The following MAGEA11 variants were observed in gnomAD, a reference collection of about 807,000 sequenced individuals.
MAGEA11 encodes the protein melanoma-associated antigen 11.
A neutral mutation model predicts 8.4 loss-of-function variants in MAGEA11; 1 was observed. The ratio of observed to expected loss-of-function variants is 0.12; its 90% confidence interval spans 0.04 to 0.57. The LOEUF is 0.57. Ranked by LOEUF, MAGEA11 falls within the 20% of genes least tolerant of loss-of-function variation. The pLI, the probability that MAGEA11 is intolerant of heterozygous loss-of-function variation, is 0.91. For synonymous variants in MAGEA11, 127 were observed against 119.3 expected (o/e 1.06, Z -0.42); for missense variants, 209 against 317.3 (o/e 0.66, Z 2.59).
chrX:149,703,341 C>G (rs1203670069), intron 1 of MAGEA11, among the ~76,000 whole-genome samples: 1 of 112,382 alleles, frequency 8.9e-6, no homozygotes, highest in Non-Finnish European at 1.9e-5. Flanking sequence ...AACCATTGAG[C>G]CATCCCAATG....
chrX:149,711,034 G>T (rs1191059270), upstream of MAGEA11, among the ~76,000 whole-genome samples: 1 of 111,285 alleles, frequency 9.0e-6, no homozygotes, highest in Non-Finnish European at 1.9e-5. Context: ...CTCGGGTAGG[G>T]TCTCAGACCA....
upstream of MAGEA11, among the ~76,000 whole-genome samples, chrX:149,708,419 CT>C (rs1461409951): frequency 1.3e-4 from 14 of 111,617 alleles, no homozygotes; most frequent in Non-Finnish European, 1.7e-4. Context: ...CACGTACCCC[CT>C]GAATCTAAAA....
At chrX:149,710,826 G>T (rs2090396791), upstream of MAGEA11, among the ~76,000 whole-genome samples, 1 of 108,715 alleles carries the variant, frequency 9.2e-6, no homozygotes, top group African/African-American at 3.4e-5. Flanking sequence ...GAAAACTAAA[G>T]AATAAAAATA....
upstream of MAGEA11, among the ~76,000 whole-genome samples, chrX:149,709,868 T>C (rs1165668995): frequency 8.9e-6 from 1 of 112,191 alleles, no homozygotes; most frequent in Non-Finnish European, 1.9e-5. Context: ...TACTTAATTG[T>C]AAAATGTTGG....
chrX:149,703,945 A>T (rs1223595043), intron 1 of MAGEA11, among the ~76,000 whole-genome samples: 1 of 112,167 alleles, frequency 8.9e-6, no homozygotes, highest in Non-Finnish European at 1.9e-5. Context: ...TACATAAAGG[A>T]TACTTGATGT....
intron 1 of MAGEA11, among the ~76,000 whole-genome samples, chrX:149,693,819 T>A (rs1266418345): frequency 8.9e-6 from 1 of 112,173 alleles, no homozygotes; most frequent in Non-Finnish European, 1.9e-5. Context: ...TCATACAACA[T>A]GTAGCTTTTT....
intron 4 of MAGEA11, 31 bp downstream of exon 4, chrX:149,715,708 T>C (rs782497262): frequency 1.7e-6 from 2 of 1,196,951 alleles, no homozygotes; most frequent in East Asian, 5.9e-5. Flanking sequence ...TTCTCCATGG[T>C]TCATATCTCA....
At chrX:149,697,417 C>T (rs1180313987) in intron 1 of MAGEA11, among the ~76,000 whole-genome samples, 22 of 111,251 alleles carry the variant, frequency 2.0e-4, no homozygotes, top group African/African-American at 6.9e-4. Context: ...TTGCTCTTCC[C>T]AGGCCAGCGG....
chrX:149,715,658 A>G lies in MAGEA11; in HGVS notation c.247A>G (p.Ile83Val), dbSNP rs140087127. The change falls in exon 4 of 5, where the codon ATC (isoleucine) becomes GTC (valine). Residue 83 changes from isoleucine to valine, a missense_variant. Transcript: ENST00000355220. Reference sequence around the variant, plus strand: ...CAGGAGTCCCAGGAGAACCCAGAGGATCACTGGAGGAGAACAAGTGTAAGT... The same window carrying G: ...CAGGAGTCCCAGGAGAACCCAGAGGGTCACTGGAGGAGAACAAGTGTAAGT... ...EDRSPRRTQR[I>V]TGGEQVLWGP... 7.5e-5 allele frequency: 90 copies of G among 1,205,402 alleles called. No individual in the cohort carries two copies. Among genetic ancestry groups the G allele is most frequent in the Admixed American group, 7.0e-4 (32 of 45,674 alleles).
chrX:149,711,722 T>C, upstream of MAGEA11: 1 of 494,974 alleles, frequency 2.0e-6, no homozygotes, highest in Non-Finnish European at 2.5e-6. Flanking sequence ...CTTGGCAATG[T>C]TGTCCCCCGA....
chrX:149,688,859 C>T, exon 1 of MAGEA11: 6 of 593,503 alleles, frequency 1.0e-5, no homozygotes, highest in Non-Finnish European at 1.5e-5. Flanking sequence ...GTCTTGACCC[C>T]CAGTGGAGGC....
intron 2 of MAGEA11, chrX:149,713,602 C>A: frequency 6.3e-6 from 1 of 158,993 alleles, no homozygotes; most frequent in Admixed American, 8.4e-5. Context: ...AGGAGTAAAT[C>A]TGAATACCTG....
chrX:149,695,757 G>A (rs2090328200), intron 1 of MAGEA11, among the ~76,000 whole-genome samples: 1 of 112,190 alleles, frequency 8.9e-6, no homozygotes, highest in Admixed American at 9.4e-5. Flanking sequence ...TTGACAAGGT[G>A]GTAGAGAAAT....
intron 3 of MAGEA11, among the ~76,000 whole-genome samples, chrX:149,715,381 G>A (rs782585350): frequency 8.9e-6 from 1 of 111,838 alleles, no homozygotes; most frequent in Admixed American, 9.4e-5. Flanking sequence ...TGAGCAGTGA[G>A]GCCTTGGTCT....
At chrX:149,688,915 G>A in exon 1 of MAGEA11, 1 of 995,640 alleles carries the variant, frequency 1.0e-6, no homozygotes, top group Non-Finnish European at 1.3e-6. Context: ...CATAGAGGTG[G>A]GTGCTATGCA....
At chrX:149,689,092 G>A in intron 1 of MAGEA11, 1 of 722,377 alleles carries the variant, frequency 1.4e-6, no homozygotes, top group Non-Finnish European at 2.0e-6. Context: ...TCCAGATGAT[G>A]TTCCCAGCTC....
intron 1 of MAGEA11, chrX:149,688,993 A>G: frequency 9.7e-7 from 1 of 1,027,034 alleles, no homozygotes; most frequent in South Asian, 1.8e-5. Flanking sequence ...AGGTAAGGGA[A>G]TGTGCATCTG....
intron 1 of MAGEA11, among the ~76,000 whole-genome samples, chrX:149,701,641 C>T (rs2090353975): frequency 9.1e-6 from 1 of 109,851 alleles, no homozygotes; most frequent in Non-Finnish European, 1.9e-5. Context: ...AGTCCTTGTC[C>T]ATGCCTCTGT....
At chrX:149,714,133 A>C (rs2090415378) in intron 2 of MAGEA11, 1 of 184,748 alleles carries the variant, frequency 5.4e-6, no homozygotes, top group Admixed American at 6.9e-5. Context: ...GGAGATACCC[A>C]CATCCCATAA....
Sources: allele counts gnomAD v4.1 joint callset (sites outside exome capture counted in the v4.1 genomes callset), GRCh38; gene constraint gnomAD v4.1.1; transcripts MANE v1.5; gene names NCBI Gene and HGNC (gene_info 2026-07-23, HGNC 2026-07-21).